Variants in CRB1 observed in about 807,000 individuals in gnomAD.
CRB1 encodes the protein protein crumbs homolog 1.
In CRB1, 83 loss-of-function variants were observed where a neutral mutation model predicts 120.0. That is an observed-to-expected ratio of 0.69 (90% CI 0.58 to 0.83). The LOEUF is 0.83. CRB1 is among the 40% of genes least tolerant of loss of function. The pLI, the probability that CRB1 is intolerant of heterozygous loss-of-function variation, is 0.00. For synonymous variants in CRB1, 625 were observed against 612.5 expected (o/e 1.02, Z -0.30); for missense variants, 1,699 against 1,687.6 (o/e 1.01, Z -0.12).
chr1:197,367,459 T>A (rs1661136191), intron 5 of CRB1, among the ~76,000 whole-genome samples: 1 of 152,222 alleles, frequency 6.6e-6, no homozygotes, highest in Admixed American at 6.5e-5. Flanking sequence ...AACAGCTTGA[T>A]AAATTCACAT....
intron 1 of CRB1, among the ~76,000 whole-genome samples, chr1:197,305,774 T>C (rs1020097031): frequency 6.6e-6 from 1 of 151,964 alleles, no homozygotes; most frequent in African/African-American, 2.4e-5. Context: ...CTTGTGAATA[T>C]TTTCCCAAAT....
At chr1:197,389,841 T>TCCCACTGCTGGCA (rs1662405318) in intron 5 of CRB1, among the ~76,000 whole-genome samples, 1 of 152,094 alleles carries the variant, frequency 6.6e-6, no homozygotes, top group African/African-American at 2.4e-5. Flanking sequence ...TGTTGCAGTT[T>TCCCACTGCTGGCA]CTAAAGTCTT....
chr1:197,222,340 A>G, the CRB1 span: 1 of 739,912 alleles, frequency 1.4e-6, no homozygotes, highest in Non-Finnish European at 2.5e-6. Flanking sequence ...TGAATCCCAG[A>G]CGTGGCTGCA....
chr1:197,327,132 A>AAAAAAAAAAC (rs1558055752), intron 1 of CRB1, among the ~76,000 whole-genome samples: 1 of 148,670 alleles, frequency 6.7e-6, no homozygotes, highest in African/African-American at 2.5e-5. Context: ...AAAAAAAAAA[A>AAAAAAAAAAC]CAGAAACCAA....
chr1:197,375,444 C>T (rs1273846417), intron 5 of CRB1, among the ~76,000 whole-genome samples: 2 of 152,120 alleles, frequency 1.3e-5, no homozygotes, highest in African/African-American at 2.4e-5. Flanking sequence ...CTTTGAACCT[C>T]ATGTTTCAAA....
At chr1:197,322,551 A>G (rs1009570643) in intron 1 of CRB1, among the ~76,000 whole-genome samples, 4 of 151,996 alleles carry the variant, frequency 2.6e-5, no homozygotes, top group African/African-American at 9.7e-5. Context: ...AATATTTAAA[A>G]TTAATTTGCC....
the CRB1 span, among the ~76,000 whole-genome samples, chr1:197,236,801 T>C: frequency 1.3e-5 from 2 of 152,218 alleles, no homozygotes; most frequent in African/African-American, 4.8e-5. Context: ...CCTGTTGATG[T>C]GGTGGATTAC....
rs2125485150 is a variant in CRB1 at position 197,427,898 on chromosome 1, A to G, written c.2573A>G (p.Asn858Ser). 1 of 1,614,078 alleles carries G rather than the reference A, an allele frequency of 6.2e-7. No individual in the cohort carries two copies. Among genetic ancestry groups the G allele is most frequent in the Non-Finnish European group, 8.5e-7 (1 of 1,179,980 alleles). The change falls in exon 7 of 12, where the codon AAC becomes AGC. Residue 858 changes from asparagine to serine, a missense_variant. Coordinates refer to ENST00000367400, the MANE Select transcript of CRB1 (RefSeq NM_201253.3). Reference protein sequence around the residue: ...FKGCIQDVRLNNQNLEFFPNP... With the variant: ...FKGCIQDVRLSNQNLEFFPNP... ...GGCTGTATCCAAGATGTAAGACTAA[A>G]CAACCAAAATCTGGAATTCTTTCCA...
intron 1 of CRB1, among the ~76,000 whole-genome samples, chr1:197,320,063 A>G (rs1658102096): frequency 6.6e-6 from 1 of 152,240 alleles, no homozygotes; most frequent in Non-Finnish European, 1.5e-5. Context: ...GCCTTAGCCA[A>G]TCAGCTCTTA....
chr1:197,452,531 A>G (rs2125532535), intron 11 of CRB1, among the ~76,000 whole-genome samples: 2 of 152,328 alleles, frequency 1.3e-5, no homozygotes, highest in South Asian at 4.1e-4. Context: ...GACCTTACAT[A>G]TCAATTTTAG....
intron 5 of CRB1, among the ~76,000 whole-genome samples, chr1:197,405,337 C>G (rs80043829): frequency 0.15 from 22,988 of 151,710 alleles, 2,308 homozygotes; most frequent in Middle Eastern, 0.32. Context: ...CTCGGCCTCC[C>G]GAGGTGCCGG....
At chr1:197,396,884 C>G (rs561281203) in intron 5 of CRB1, among the ~76,000 whole-genome samples, 1 of 151,978 alleles carries the variant, frequency 6.6e-6, no homozygotes, top group Non-Finnish European at 1.5e-5. Context: ...ATCTTGGGCT[C>G]AGCAAAGATT....
At chr1:197,251,717 C>T in the CRB1 span, among the ~76,000 whole-genome samples, 1 of 151,786 alleles carries the variant, frequency 6.6e-6, no homozygotes, top group African/African-American at 2.4e-5. Context: ...AGCTTGTTTC[C>T]TTCTCAAGTT....
Position 197,435,488 on chromosome 1 carries a change from G to A in CRB1, c.3625G>A (p.Val1209Met), listed in dbSNP as rs201349525. ...CACATGTGAGCCTGGATACACTGGTGTGAACTGTGAAGTGGATATAGACAA... is the reference window on the plus strand; with the variant it reads ...CACATGTGAGCCTGGATACACTGGTATGAACTGTGAAGTGGATATAGACAA... ...HCTCEPGYTG[V>M]NCEVDIDNCQ... The change falls in exon 9 of 12, where the codon GTG becomes ATG. Residue 1209 changes from valine to methionine, a missense_variant. Val to Met is a conservative substitution (Grantham distance 21). Coordinates refer to ENST00000367400, the MANE Select transcript of CRB1 (RefSeq NM_201253.3). The A allele has an allele frequency of 5.6e-5, 90 of 1,607,074 alleles. No homozygotes were observed. Among genetic ancestry groups the A allele is most frequent in the Admixed American group, 2.0e-4 (12 of 59,628 alleles).
the CRB1 span, among the ~76,000 whole-genome samples, chr1:197,203,472 A>G: frequency 2.6e-5 from 4 of 152,086 alleles, no homozygotes; most frequent in African/African-American, 7.2e-5. Context: ...CTACAGGCGC[A>G]TGCTACCACA....
At chr1:197,332,062 T>C (rs568740917) in intron 2 of CRB1, among the ~76,000 whole-genome samples, 52 of 151,916 alleles carry the variant, frequency 3.4e-4, no homozygotes, top group African/African-American at 1.1e-3. Flanking sequence ...ATTGCTTGAA[T>C]TGGGGAGGCA....
rs116491474 is a variant in CRB1, at chr1:197,285,870, T to C, written c.70+17388T>C. Among the ~76,000 whole-genome samples the C allele has an allele frequency of 2.3e-3, 354 of 152,060 alleles. 3 individuals are homozygous for C. Among genetic ancestry groups the C allele is most frequent in the African/African-American group, 8.0e-3 (334 of 41,526 alleles). ...AGAGTTGAAACATTCTCAATAAATATTAATTTTTAACAATTACTAGTTAAT... is the reference window on the plus strand; with the variant it reads ...AGAGTTGAAACATTCTCAATAAATACTAATTTTTAACAATTACTAGTTAAT... On this transcript the variant is annotated intron_variant, in intron 1 of 11. Coordinates refer to ENST00000367400, the MANE Select transcript of CRB1 (RefSeq NM_201253.3).
chr1:197,344,787 G>A (rs1164192736), intron 3 of CRB1, among the ~76,000 whole-genome samples: 1 of 152,148 alleles, frequency 6.6e-6, no homozygotes, highest in African/African-American at 2.4e-5. Context: ...CAGAGCTAGA[G>A]ATTATTATAT....
chr1:197,239,035 C>T, the CRB1 span, among the ~76,000 whole-genome samples: 1 of 151,882 alleles, frequency 6.6e-6, no homozygotes, highest in Non-Finnish European at 1.5e-5. Context: ...CTCTTACTTA[C>T]TCTTCAGTTG....
Sources: allele counts gnomAD v4.1 joint callset (sites outside exome capture counted in the v4.1 genomes callset), GRCh38; gene constraint gnomAD v4.1.1; transcripts MANE v1.5; gene names NCBI Gene and HGNC (gene_info 2026-07-23, HGNC 2026-07-21).